TTC21A: variants seen among roughly 807,000 people sequenced by gnomAD.
TTC21A encodes tetratricopeptide repeat protein 21A.
A neutral mutation model predicts 156.4 loss-of-function variants in TTC21A; 128 were observed. That is an observed-to-expected ratio of 0.82 (90% CI 0.71 to 0.95). TTC21A has a LOEUF of 0.95. Ranked by LOEUF, TTC21A falls within the 40% of genes least tolerant of loss-of-function variation. The pLI is 0.00. For synonymous variants in TTC21A, 587 were observed against 617.1 expected (o/e 0.95, Z 0.72); for missense variants, 1,435 against 1,602.3 (o/e 0.90, Z 1.78).
Position 39,121,005 on chromosome 3 carries a change from TCA to T in TTC21A, c.911_912del (p.His304ProfsTer9). 6.2e-7 allele frequency: 1 copy of T among 1,603,128 alleles called. No homozygotes were observed. The highest frequency in any genetic ancestry group is 8.5e-7 in the Non-Finnish European group (1 of 1,173,416). ...CTTCCTGTTTCTTGCAGTGTGGGAG[TCA>T]CCAGGTGATTCTAGGGCTAGTGTGT... Reference protein sequence around the residue: ...IIVVSRLCGSHQVILGLVCSF... With the variant: ...IIVVSRLCGSXQVILGLVCSF... On this transcript the variant is annotated frameshift_variant, in exon 9 of 29. Coordinates refer to ENST00000683103, the MANE Select transcript of TTC21A (RefSeq NM_001366900.1). LOFTEE classifies it high-confidence loss of function.
chr3:39,132,823 C>T (rs925320493), intron 19 of TTC21A: 7 of 584,136 alleles, frequency 1.2e-5, no homozygotes, highest in Middle Eastern at 4.5e-4. Context: ...AGTACAAAAG[C>T]GTGTTTTGTT....
At position 39,120,982 on chromosome 3, in the gene TTC21A, TC is replaced by T; in HGVS notation, c.901-13del. On this transcript the variant is annotated splice_polypyrimidine_tract_variant and intron_variant, in intron 8 of 28. Transcript: ENST00000683103. ...CTGACTGGTTTCCCAATTCCCACCTTCCTGTTTCTTGCAGTGTGGGAGTCAC... is the reference window on the plus strand; with the variant it reads ...CTGACTGGTTTCCCAATTCCCACCTTCTGTTTCTTGCAGTGTGGGAGTCAC... 6.3e-7 allele frequency: 1 copy of T among 1,584,122 alleles called. No homozygotes were observed. The highest frequency in any genetic ancestry group is 1.7e-4 in the Middle Eastern group (1 of 5,872).
At position 39,125,319 on chromosome 3, in the gene TTC21A, C is replaced by A; in HGVS notation, c.1192-13C>A. The stretch of plus-strand genomic sequence containing the variant: ...CTGACATTGGCACTGAGACTCGGTC[C>A]TCTCTTCCACAGGTGCTAATTTTCC... On this transcript the variant is annotated splice_polypyrimidine_tract_variant and intron_variant, in intron 10 of 28. Coordinates refer to ENST00000683103, the MANE Select transcript of TTC21A (RefSeq NM_001366900.1). 1 of 1,612,948 alleles carries A rather than the reference C, an allele frequency of 6.2e-7. No individual in the cohort carries two copies. Among genetic ancestry groups the A allele is most frequent in the Non-Finnish European group, 8.5e-7 (1 of 1,179,446 alleles).
In TTC21A at chr3:39,125,397, G is replaced by A. The variant is rs1488299447; in HGVS notation, c.1257G>A (p.Ala419=). ...RKHKGEEETT[A]LLKEAVELHF... ...ACAAGGGGGAGGAAGAGACCACAGC[G>A]CTCCTGAAGGAGGCAGTGGAGCTTC... is the stretch of plus-strand genomic sequence containing the variant. Residue 419 remains alanine, a synonymous_variant, in exon 11 of 29, where the codon GCG becomes GCA. Transcript: ENST00000683103. 8 of 1,613,952 alleles carry A rather than the reference G, an allele frequency of 5.0e-6. No individual in the cohort carries two copies. Among genetic ancestry groups the A allele is most frequent in the East Asian group, 2.2e-5 (1 of 44,894 alleles).
Position 39,128,451 on chromosome 3 carries a change from TCC to T in TTC21A, c.1644_1645del (p.Phe548LeufsTer65), listed in dbSNP as rs758784768. The T allele has an allele frequency of 1.2e-6, 2 of 1,614,204 alleles. No individual in the cohort carries two copies. Among genetic ancestry groups the T allele is most frequent in the Admixed American group, 3.3e-5 (2 of 60,018 alleles). ...GCTCAGGGCAACTTTGGCATGTGCT[TCC>T]ACTGCTTAGAGCTGGGTGTCAGCCA... On this transcript the variant is annotated frameshift_variant, in exon 13 of 29. Coordinates refer to ENST00000683103, the MANE Select transcript of TTC21A (RefSeq NM_001366900.1). LOFTEE classifies it high-confidence loss of function.
At chr3:39,119,887 CT>C in intron 7 of TTC21A, 34 bp from the exon 8 acceptor site, 1 of 1,464,666 alleles carries the variant, frequency 6.8e-7, no homozygotes, top group Non-Finnish European at 9.5e-7. Context: ...GACCTTGCAC[CT>C]TGCATGTTGA....
chr3:39,137,358 G>A lies in TTC21A; in HGVS notation c.3421G>A (p.Gly1141Ser). The change falls in exon 25 of 29, where the codon GGC (glycine) becomes AGC (serine). Residue 1141 changes from glycine (G) to serine (S), a missense_variant. Transcript: ENST00000683103. ...GAAGGCTAACATGGAGGCTGCGCTG[G>A]GCAGCTTCATCCAGATAGCGCAGGC... ...REKANMEAAL[G>S]SFIQIAQAEK... 1.2e-6 allele frequency: 2 copies of A among 1,613,636 alleles called. No individual in the cohort carries two copies. The highest frequency in any genetic ancestry group is 2.7e-5 in the African/African-American group (2 of 75,064).
rs769818517 is a variant in TTC21A at position 39,125,430 on chromosome 3, C to T, written c.1290C>T (p.Ser430=). The part of the protein sequence containing the change: ...LLKEAVELHF[S]SMQGIPLGSE... ...AGGAGGCAGTGGAGCTTCACTTCTC[C>T]AGCATGCAAGGCATCCCTCTTGGCT... Residue 430 remains serine, a synonymous_variant, in exon 11 of 29, where the codon TCC becomes TCT. Coordinates refer to ENST00000683103, the MANE Select transcript of TTC21A (RefSeq NM_001366900.1). The T allele has an allele frequency of 6.2e-7, 1 of 1,614,076 alleles. No homozygotes were observed. The highest frequency in any genetic ancestry group is 8.5e-7 in the Non-Finnish European group (1 of 1,179,916).
chr3:39,119,443 A>C (rs1274034642), intron 7 of TTC21A: 1 of 152,490 alleles, frequency 6.6e-6, no homozygotes, highest in Non-Finnish European at 1.5e-5. Flanking sequence ...CATTTGATTC[A>C]TGTCAAAATG....
chr3:39,137,512 C>T lies in TTC21A; in HGVS notation c.3477C>T (p.Ala1159=), dbSNP rs780780264. 3.7e-6 allele frequency: 6 copies of T among 1,614,108 alleles called. No homozygotes were observed. The highest frequency in any genetic ancestry group is 1.1e-5 in the South Asian group (1 of 91,088). Reference sequence around the variant, plus strand: ...AGGACAGCGTCCCTGCCCTGCTGGCCTTGGCACAAGCCTACGTGTTCCTGA... The same window carrying T: ...AGGACAGCGTCCCTGCCCTGCTGGCTTTGGCACAAGCCTACGTGTTCCTGA... ...AEKDSVPALL[A]LAQAYVFLKQ... is the part of the protein sequence containing the mutation. The change falls in exon 26 of 29, where the codon GCC becomes GCT. Residue 1159 remains alanine, a synonymous_variant. Coordinates refer to ENST00000683103, the MANE Select transcript of TTC21A (RefSeq NM_001366900.1).
intron 13 of TTC21A, 80 bp downstream of exon 13, chr3:39,128,568 G>C: frequency 6.3e-7 from 1 of 1,594,080 alleles, no homozygotes. Flanking sequence ...GTAGCCCCAG[G>C]GGCTAGCTGT....
chr3:39,129,404 A>G, intron 15 of TTC21A, 94 bp downstream of exon 15: 6 of 938,668 alleles, frequency 6.4e-6, no homozygotes, highest in Non-Finnish European at 1.0e-5. Flanking sequence ...CTGGGTCTCC[A>G]GAATGTGTCC....
At chr3:39,113,161 A>T (rs1249885139) in intron 5 of TTC21A, among the ~76,000 whole-genome samples, 1 of 152,204 alleles carries the variant, frequency 6.6e-6, no homozygotes, top group Admixed American at 6.5e-5. Context: ...AAGCCTAAAA[A>T]AAGTCAACAG....
Position 39,128,436 on chromosome 3 carries a change from A to G in TTC21A, c.1628A>G (p.Asn543Ser), listed in dbSNP as rs776147580. The G allele has an allele frequency of 1.2e-6, 2 of 1,614,168 alleles. No individual in the cohort carries two copies. Among genetic ancestry groups the G allele is most frequent in the South Asian group, 1.1e-5 (1 of 91,086 alleles). Residue 543 changes from asparagine (N) to serine (S), a missense_variant, in exon 13 of 29, where the codon AAC becomes AGC. By Grantham distance (46) the Asn-to-Ser change is conservative. Transcript: ENST00000683103. ...TGTCAGATCTACTTGGCTCAGGGCA[A>G]CTTTGGCATGTGCTTCCACTGCTTA... ...LMCQIYLAQG[N>S]FGMCFHCLEL...
Position 39,128,412 on chromosome 3 carries a change from G to C in TTC21A, c.1604G>C (p.Cys535Ser). Residue 535 changes from cysteine (C) to serine (S), a missense_variant, in exon 13 of 29, where the codon TGT becomes TCT. Coordinates refer to ENST00000683103, the MANE Select transcript of TTC21A (RefSeq NM_001366900.1). ...TCCGTGGATGCCCATCTCCTCATGT[G>C]TCAGATCTACTTGGCTCAGGGCAAC... is the stretch of plus-strand genomic sequence containing the variant. ...PASVDAHLLM[C>S]QIYLAQGNFG... is the part of the protein sequence containing the mutation. 1 of 1,614,190 alleles carries C rather than the reference G, an allele frequency of 6.2e-7. No individual in the cohort carries two copies. The highest frequency in any genetic ancestry group is 1.1e-5 in the South Asian group (1 of 91,086).
At chr3:39,128,287 G>A (rs758371117) in intron 12 of TTC21A, 44 bp from the exon 13 acceptor site, 7 of 1,598,610 alleles carry the variant, frequency 4.4e-6, no homozygotes, top group African/African-American at 4.0e-5. Context: ...GGTCTTAGGA[G>A]CCCTTGGGAA....
At position 39,107,860 on chromosome 3, in the gene TTC21A, T is replaced by A; in HGVS notation, c.23T>A (p.Leu8His). 1 of 1,612,928 alleles carries A rather than the reference T, an allele frequency of 6.2e-7. No individual in the cohort carries two copies. The highest frequency in any genetic ancestry group is 8.5e-7 in the Non-Finnish European group (1 of 1,179,986). The part of the protein sequence containing the change: MSSNDSS[L>H]MAGIIYYSQE... ...GAGATGAGCAGCAATGACTCCTCCC[T>A]TATGGTGCGTGGCCCGGGCGCTGTC... Residue 8 changes from leucine to histidine, a missense_variant, in exon 1 of 29, where the codon CTT (leucine) becomes CAT (histidine). Transcript: ENST00000683103.
intron 19 of TTC21A, 64 bp from the exon 20 acceptor site, chr3:39,132,988 G>A (rs1352720431): frequency 2.1e-5 from 33 of 1,560,082 alleles, no homozygotes; most frequent in African/African-American, 2.7e-5. Flanking sequence ...AAGAACTTAG[G>A]ACTTTCTGTG....
In TTC21A at chr3:39,130,204, C is replaced by A; in HGVS notation, c.2209-44C>A. ...AAGTGGCCCCCCAGTCTCCCTTCTC[C>A]AGTGGGAGAGAAGAGGAAGACCCAA... On this transcript the variant is annotated intron_variant, in intron 16 of 28. Coordinates refer to ENST00000683103, the MANE Select transcript of TTC21A (RefSeq NM_001366900.1). The surrounding 1 kb of genome is among the most constrained non-coding windows in gnomAD (Gnocchi z 4.5). The A allele has an allele frequency of 6.2e-7, 1 of 1,609,180 alleles. No individual in the cohort carries two copies.
Sources: gnomAD v4.1 joint callset for allele counts (sites outside exome capture counted in the v4.1 genomes callset) on GRCh38, gnomAD v4.1.1 for gene constraint, Gnocchi (gnomAD v3.1) non-coding constraint, MANE v1.5 for transcripts, NCBI Gene and HGNC (gene_info 2026-07-23, HGNC 2026-07-21) for gene names.